Variants in PTPRT observed in about 807,000 individuals in gnomAD.
The protein encoded by PTPRT is protein tyrosine phosphatase receptor type T.
PTPRT carries 56 observed loss-of-function variants against 176.8 expected under a neutral mutation model. The observed-to-expected ratio is 0.32, with a 90% CI of 0.26 to 0.40. The LOEUF (loss-of-function observed/expected upper bound fraction) is 0.40. Ranked by LOEUF, PTPRT falls within the 10% of genes least tolerant of loss-of-function variation. The pLI is 1.00. For synonymous variants in PTPRT, 783 were observed against 739.0 expected, an observed-to-expected ratio of 1.06 and a Z score of -0.96; for missense variants, 1,540 against 1,908.2, an observed-to-expected ratio of 0.81 and a Z score of 3.60.
In PTPRT at chr20:42,663,390, G is replaced by A. The variant is rs187530464; in HGVS notation, c.1153+14476C>T. Among the ~76,000 whole-genome samples, 130 of 152,242 alleles carry A rather than the reference G, an allele frequency of 8.5e-4. 1 individual carries two copies. Among genetic ancestry groups the A allele is most frequent in the African/African-American group, 3.0e-3 (126 of 41,532 alleles). ...TCTATGCTGGGCAGGACGGCAATGC[G>A]ACCCCTTGCCTGAGTCCCACCAAAC... On this transcript the variant is annotated intron_variant, in intron 7 of 30. Coordinates refer to ENST00000373187, the MANE Select transcript of PTPRT (RefSeq NM_007050.6).
intron 12 of PTPRT, among the ~76,000 whole-genome samples, chr20:42,293,056 C>A (rs554741244): frequency 6.6e-5 from 10 of 152,290 alleles, no homozygotes; most frequent in African/African-American, 2.2e-4. Flanking sequence ...TGTTCACTAT[C>A]AACTTTATGA....
intron 19 of PTPRT, among the ~76,000 whole-genome samples, chr20:42,125,917 G>T (rs1987831731): frequency 6.6e-6 from 1 of 151,494 alleles, no homozygotes; most frequent in Non-Finnish European, 1.5e-5. Flanking sequence ...TCATATCCAT[G>T]CAGCCATAGA....
Position 43,103,581 on chromosome 20 carries a change from A to T in PTPRT, c.88+86065T>A, listed in dbSNP as rs569775525. On this transcript the variant is annotated intron_variant, in intron 1 of 30. Coordinates refer to ENST00000373187, the MANE Select transcript of PTPRT (RefSeq NM_007050.6). Reference sequence around the variant, plus strand: ...ATTCTTTGACTTTACAATGCTTTATATAAATCCTGCATCCTCAATGGGGGC... The same window carrying T: ...ATTCTTTGACTTTACAATGCTTTATTTAAATCCTGCATCCTCAATGGGGGC... Among the ~76,000 whole-genome samples, 6 of 152,238 alleles carry T rather than the reference A, an allele frequency of 3.9e-5. No homozygotes were observed. The South Asian group carries it at 1.2e-3, about 32-fold the overall frequency.
chr20:43,011,247 G>A (rs1985105447), intron 1 of PTPRT, among the ~76,000 whole-genome samples: 1 of 152,134 alleles, frequency 6.6e-6, no homozygotes, highest in African/African-American at 2.4e-5. Flanking sequence ...GGCCACCTAA[G>A]AAAATGCCCA....
intron 1 of PTPRT, among the ~76,000 whole-genome samples, chr20:43,126,266 G>A (rs768640072): frequency 2.2e-4 from 34 of 151,784 alleles, no homozygotes; most frequent in Non-Finnish European, 3.2e-4. Context: ...CAGGAGAATC[G>A]CTTGAACCTG....
intron 1 of PTPRT, among the ~76,000 whole-genome samples, chr20:43,110,775 G>C (rs1336198605): frequency 6.6e-6 from 1 of 152,172 alleles, no homozygotes; most frequent in Non-Finnish European, 1.5e-5. Flanking sequence ...AGGGTGGTTT[G>C]AGTGGGGCTG....
At chr20:42,694,527 T>C (rs2075843281) in intron 6 of PTPRT, among the ~76,000 whole-genome samples, 1 of 152,214 alleles carries the variant, frequency 6.6e-6, no homozygotes, top group Non-Finnish European at 1.5e-5. Flanking sequence ...TATAGGTTTT[T>C]GTGTGAACAT....
At chr20:42,178,901 G>T (rs1052234333) in intron 16 of PTPRT, among the ~76,000 whole-genome samples, 1 of 152,144 alleles carries the variant, frequency 6.6e-6, no homozygotes, top group African/African-American at 2.4e-5. Flanking sequence ...GCTTCCCAAG[G>T]AACAGACAAG....
intron 1 of PTPRT, among the ~76,000 whole-genome samples, chr20:43,149,152 A>C (rs2014264132): frequency 6.6e-6 from 1 of 152,236 alleles, no homozygotes; most frequent in Non-Finnish European, 1.5e-5. Context: ...TATAATTTTT[A>C]AATGTGGTAT....
intron 1 of PTPRT, among the ~76,000 whole-genome samples, chr20:43,049,255 T>A (rs1284945880): frequency 2.0e-5 from 3 of 152,138 alleles, no homozygotes; most frequent in Non-Finnish European, 4.4e-5. Flanking sequence ...AAAGTGTATA[T>A]CCTTTGGATA....
At chr20:42,683,173 A>G (rs531432460) in intron 6 of PTPRT, among the ~76,000 whole-genome samples, 1 of 152,124 alleles carries the variant, frequency 6.6e-6, no homozygotes, top group East Asian at 1.9e-4. Context: ...ACACAAACAC[A>G]TTCATACACA....
At chr20:42,573,429 C>T (rs1285652701) in intron 7 of PTPRT, among the ~76,000 whole-genome samples, 1 of 152,148 alleles carries the variant, frequency 6.6e-6, no homozygotes, top group Non-Finnish European at 1.5e-5. Flanking sequence ...TGTTGAGCTC[C>T]AGAGAGGGAT....
intron 28 of PTPRT, among the ~76,000 whole-genome samples, 155 bp downstream of exon 28, chr20:42,085,573 G>A (rs1983804928): frequency 6.6e-6 from 1 of 152,184 alleles, no homozygotes; most frequent in Admixed American, 6.5e-5. Flanking sequence ...GCTGAGTCTG[G>A]AGCCGGAATC....
intron 1 of PTPRT, among the ~76,000 whole-genome samples, chr20:42,945,686 G>A (rs1980842516): frequency 2.0e-5 from 3 of 152,212 alleles, no homozygotes; most frequent in South Asian, 4.1e-4. Flanking sequence ...GACCAGCTGA[G>A]CTGCTCTGTC....
intron 1 of PTPRT, among the ~76,000 whole-genome samples, chr20:43,096,412 G>A (rs1183223794): frequency 6.6e-6 from 1 of 152,222 alleles, no homozygotes; most frequent in Non-Finnish European, 1.5e-5. Flanking sequence ...CCAAGTGAGA[G>A]CATAGAAACA....
At chr20:42,687,805 G>A (rs6124484) in intron 6 of PTPRT, 3 of 152,234 alleles carry the variant, frequency 2.0e-5, no homozygotes, top group East Asian at 3.9e-4. Context: ...AGACAACCAC[G>A]TCTGTACACC....
chr20:42,514,545 G>T (rs952996301), intron 7 of PTPRT, among the ~76,000 whole-genome samples: 2 of 152,078 alleles, frequency 1.3e-5, no homozygotes, highest in African/African-American at 4.8e-5. Flanking sequence ...GCCAGTGTGT[G>T]GTTTGTCTTT....
intron 7 of PTPRT, among the ~76,000 whole-genome samples, chr20:42,483,883 C>A (rs537069575): frequency 6.6e-6 from 1 of 152,340 alleles, no homozygotes; most frequent in Non-Finnish European, 1.5e-5. Flanking sequence ...TAGTATCTGC[C>A]CATAGGGGGC....
At chr20:42,781,612 T>G (rs1026881528) in intron 3 of PTPRT, among the ~76,000 whole-genome samples, 4 of 152,170 alleles carry the variant, frequency 2.6e-5, no homozygotes, top group African/African-American at 9.7e-5. Flanking sequence ...AAAACTACCC[T>G]TCAGCAGCAG....
Sources: allele counts gnomAD v4.1 joint callset (sites outside exome capture counted in the v4.1 genomes callset), GRCh38; gene constraint gnomAD v4.1.1; transcripts MANE v1.5; gene names NCBI Gene and HGNC (gene_info 2026-07-23, HGNC 2026-07-21).